Variants in ETV4 observed in about 807,000 individuals in gnomAD.
ETV4 encodes the protein ETS translocation variant 4.
A neutral mutation model predicts 65.9 loss-of-function variants in ETV4; 42 were observed. The observed-to-expected ratio is 0.64, with a 90% CI of 0.50 to 0.82. The LOEUF is 0.82. ETV4 is among the 40% of genes least tolerant of loss of function. ETV4 has a pLI of 0.00. For missense variants in ETV4, 583 were observed against 630.3 expected, an observed-to-expected ratio of 0.92 and a Z score of 0.80; for synonymous variants, 238 against 260.0, an observed-to-expected ratio of 0.92 and a Z score of 0.81.
intron 4 of ETV4, among the ~76,000 whole-genome samples, chr17:43,537,798 G>C (rs1219050340): frequency 6.6e-6 from 1 of 151,282 alleles, no homozygotes; most frequent in Non-Finnish European, 1.5e-5. Flanking sequence ...TTTGAGACCA[G>C]CCTGACCAGC....
rs777844798 is a variant in ETV4 at position 43,528,727 on chromosome 17, TAACGCTCACCAGCCACCTATGGGG to T, written c.1231-8_1246del. 6.2e-7 allele frequency: 1 copy of T among 1,613,970 alleles called. No individual in the cohort carries two copies. The highest frequency in any genetic ancestry group is 8.5e-7 in the Non-Finnish European group (1 of 1,179,992). On this transcript the variant is annotated splice_acceptor_variant and splice_polypyrimidine_tract_variant and coding_sequence_variant and intron_variant, in exon 13 of 13. Transcript: ENST00000319349. LOFTEE classifies it high-confidence loss of function. ...GGGCTCACACACAAACTTGTACACGTAACGCTCACCAGCCACCTATGGGGAGAGAGAAGGTCTGGTCAGCCTGGC... is the reference window on the plus strand; with the variant it reads ...GGGCTCACACACAAACTTGTACACGTAGAGAGAAGGTCTGGTCAGCCTGGC...
At chr17:43,545,450 G>T in intron 2 of ETV4, 83 bp from the exon 3 acceptor site, 1 of 1,464,766 alleles carries the variant, frequency 6.8e-7, no homozygotes. Context: ...GGGTGACTCA[G>T]GGGCGGGGCA....
intron 11 of ETV4, 108 bp from the exon 12 acceptor site, chr17:43,529,344 C>G: frequency 7.1e-7 from 1 of 1,400,520 alleles, no homozygotes; most frequent in South Asian, 1.2e-5. Context: ...GCCAAGCTAG[C>G]TCTGCAACAA....
rs747074176 is a variant in ETV4 at position 43,532,919 on chromosome 17, A to G, written c.566T>C (p.Leu189Pro). Residue 189 changes from leucine to proline, a missense_variant, in exon 8 of 13, where the codon CTG (leucine) becomes CCG (proline). Leu to Pro is a moderately conservative substitution (Grantham distance 98). Coordinates refer to ENST00000319349, the MANE Select transcript of ETV4 (RefSeq NM_001079675.5). ...GEHSSVFQQP[L>P]DICHSFTSQG... The stretch of plus-strand genomic sequence containing the variant: ...AGATGTGAAGGAGTGGCAAATGTCC[A>G]GGGGCTGCTGGAAGACGGAGCTGGA... The G allele has an allele frequency of 2.5e-6, 4 of 1,578,636 alleles. No homozygotes were observed. The highest frequency in any genetic ancestry group is 3.4e-6 in the Non-Finnish European group (4 of 1,161,558).
chr17:43,530,446 G>A (rs1350514626), intron 8 of ETV4: 1 of 1,363,062 alleles, frequency 7.3e-7, no homozygotes, highest in Admixed American at 3.3e-5. Flanking sequence ...TGTTCTGAAG[G>A]GCCCAAGCTG....
In ETV4 at chr17:43,530,093, G is replaced by T; in HGVS notation, c.886+14C>A. On this transcript the variant is annotated intron_variant, in intron 9 of 12. Coordinates refer to ENST00000319349, the MANE Select transcript of ETV4 (RefSeq NM_001079675.5). The stretch of plus-strand genomic sequence containing the variant: ...AACATGGAGGGCTTGGCAGGGGAAG[G>T]GGGGCTGCCTTACCCATGGCCCCGT... The T allele has an allele frequency of 6.2e-7, 1 of 1,604,198 alleles. No individual in the cohort carries two copies. The highest frequency in any genetic ancestry group is 2.3e-5 in the East Asian group (1 of 44,376).
At chr17:43,541,999 T>C (rs1971547681) in intron 4 of ETV4, among the ~76,000 whole-genome samples, 1 of 152,106 alleles carries the variant, frequency 6.6e-6, no homozygotes, top group Non-Finnish European at 1.5e-5. Context: ...TACTTCACTC[T>C]TGCAGCAGCA....
chr17:43,529,693 T>C lies in ETV4; in HGVS notation c.956-17A>G. On this transcript the variant is annotated splice_polypyrimidine_tract_variant and intron_variant, in intron 10 of 12. Coordinates refer to ENST00000319349, the MANE Select transcript of ETV4 (RefSeq NM_001079675.5). ...TGATGTCTCCTGGGGAACACGAAAATAGGAGGTGTGGGGTTTGTGTCTTTT... is the reference window on the plus strand; with the variant it reads ...TGATGTCTCCTGGGGAACACGAAAACAGGAGGTGTGGGGTTTGTGTCTTTT... 1.2e-6 allele frequency: 2 copies of C among 1,600,362 alleles called. No homozygotes were observed. The highest frequency in any genetic ancestry group is 1.7e-6 in the Non-Finnish European group (2 of 1,171,592).
chr17:43,534,351 G>A (rs1348883829), intron 5 of ETV4, among the ~76,000 whole-genome samples: 1 of 151,974 alleles, frequency 6.6e-6, no homozygotes, highest in East Asian at 1.9e-4. Flanking sequence ...AAAATTAGCC[G>A]GGGATGGTGG....
rs761789829 is a variant in ETV4 at position 43,533,212 on chromosome 17, C to T, written c.520G>A (p.Gly174Ser). 7 of 1,612,998 alleles carry T rather than the reference C, an allele frequency of 4.3e-6. No individual in the cohort carries two copies. In the Admixed American group the frequency reaches 6.7e-5, roughly 15 times the overall value. ...CTATGTTCCCCGAGGTACCCATGGC[C>T]AGGGTGGGGCTGGGAGGTGCCAGAG... ...RSSGTSQPHPGHGYLGEHSSV... is the reference protein window; with the variant it reads ...RSSGTSQPHPSHGYLGEHSSV... The change falls in exon 7 of 13, where the codon GGC (glycine) becomes AGC (serine). Residue 174 changes from glycine (G) to serine (S), a missense_variant. Coordinates refer to ENST00000319349, the MANE Select transcript of ETV4 (RefSeq NM_001079675.5).
At chr17:43,538,835 C>T (rs1370004477) in intron 4 of ETV4, among the ~76,000 whole-genome samples, 1 of 152,106 alleles carries the variant, frequency 6.6e-6, no homozygotes, top group South Asian at 2.1e-4. Context: ...TCTCTCCTTC[C>T]CTGGAGACTG....
intron 4 of ETV4, among the ~76,000 whole-genome samples, chr17:43,542,880 T>C (rs1971591599): frequency 6.6e-6 from 1 of 152,012 alleles, no homozygotes; most frequent in African/African-American, 2.4e-5. Context: ...TCCCCTTTCC[T>C]CCTAATGCGT....
intron 8 of ETV4, among the ~76,000 whole-genome samples, chr17:43,530,602 ACGCG>A (rs200376976): frequency 3.8e-5 from 5 of 133,074 alleles, no homozygotes; most frequent in African/African-American, 5.8e-5. Context: ...AGCCCTGTGC[ACGCG>A]CGCGTGTGTG....
At position 43,533,173 on chromosome 17, in the gene ETV4, C is replaced by G. The variant is rs938848165; in HGVS notation, c.545+14G>C. ...ACCTGGGCCCATGAGCAGTGGGTTT[C>G]CCTGTCTCCTTACCTATGTTCCCCG... On this transcript the variant is annotated intron_variant, in intron 7 of 12. Transcript: ENST00000319349. 1 of 1,612,660 alleles carries G rather than the reference C, an allele frequency of 6.2e-7. No individual in the cohort carries two copies.
intron 4 of ETV4, among the ~76,000 whole-genome samples, chr17:43,543,340 A>G (rs1185920300): frequency 6.6e-6 from 1 of 151,636 alleles, no homozygotes; most frequent in Non-Finnish European, 1.5e-5. Flanking sequence ...ACAGACAGAC[A>G]TTTGTACCCT....
chr17:43,532,351 T>G (rs187401578), intron 8 of ETV4, among the ~76,000 whole-genome samples: 14 of 152,144 alleles, frequency 9.2e-5, no homozygotes, highest in African/African-American at 3.1e-4. Flanking sequence ...ATACAAAAAT[T>G]AGCCGGGCAC....
At chr17:43,537,230 TTGGCGGGA>T (rs1598208453) in intron 4 of ETV4, among the ~76,000 whole-genome samples, 1 of 151,964 alleles carries the variant, frequency 6.6e-6, no homozygotes, top group East Asian at 1.9e-4. Flanking sequence ...GCTGGTCGTG[TTGGCGGGA>T]GCCTATAATC....
chr17:43,536,914 GTCTT>G (rs1479333261), intron 4 of ETV4, among the ~76,000 whole-genome samples: 1 of 152,208 alleles, frequency 6.6e-6, no homozygotes, highest in African/African-American at 2.4e-5. Flanking sequence ...GCAGATTCCA[GTCTT>G]TCTTCTTCTA....
At chr17:43,533,752 T>C in intron 6 of ETV4, 107 bp downstream of exon 6, 1 of 1,416,280 alleles carries the variant, frequency 7.1e-7, no homozygotes, top group Non-Finnish European at 9.6e-7. Flanking sequence ...AAATCCTTTC[T>C]GTTGTCTAAC....
Sources: allele counts gnomAD v4.1 joint callset (sites outside exome capture counted in the v4.1 genomes callset), GRCh38; gene constraint gnomAD v4.1.1; transcripts MANE v1.5; gene names NCBI Gene and HGNC (gene_info 2026-07-23, HGNC 2026-07-21).